The following BTRC variants were observed in gnomAD, a reference collection of about 807,000 sequenced individuals.
BTRC encodes beta-transducin repeat containing E3 ubiquitin protein ligase, also known as F-box/WD repeat-containing protein 1A.
BTRC carries 42 observed loss-of-function variants against 85.5 expected under a neutral mutation model. The observed-to-expected ratio is 0.49, with a 90% confidence interval of 0.38 to 0.64. BTRC has a LOEUF of 0.64. Ranked by LOEUF, BTRC falls within the 30% of genes least tolerant of loss-of-function variation. The pLI is 0.00. For missense variants in BTRC, 594 were observed against 743.5 expected (o/e 0.80, Z 2.34); for synonymous variants, 255 against 263.3 (o/e 0.97, Z 0.30).
chr10:101,408,446 A>G (rs1262578543), intron 1 of BTRC, among the ~76,000 whole-genome samples: 1 of 152,080 alleles, frequency 6.6e-6, no homozygotes, highest in Non-Finnish European at 1.5e-5. Context: ...AGCTGGGACT[A>G]TAGGCATGCA....
In BTRC at chr10:101,534,782, G is replaced by C; in HGVS notation, c.1219G>C (p.Val407Leu). The change falls in exon 10 of 15, where the codon GTA (valine) becomes CTA (leucine). Residue 407 changes from valine to leucine, a missense_variant. By Grantham distance (32) the Val-to-Leu change is conservative. Around this residue, in one of 4 missense-constraint regions of BTRC, gnomAD observed 373 missense variants for 503.6 expected, o/e 0.74. Transcript: ENST00000370187. ...CTGCTCCAAAGATCGTTCCATTGCTGTATGGGATATGGCCTCCCCAACTGA... is the reference window on the plus strand; with the variant it reads ...CTGCTCCAAAGATCGTTCCATTGCTCTATGGGATATGGCCTCCCCAACTGA... ...VTCSKDRSIA[V>L]WDMASPTDIT... 1 of 1,614,178 alleles carries C rather than the reference G, an allele frequency of 6.2e-7. No individual in the cohort carries two copies. Among genetic ancestry groups the C allele is most frequent in the African/African-American group, 1.3e-5 (1 of 75,028 alleles).
intron 1 of BTRC, among the ~76,000 whole-genome samples, chr10:101,423,220 G>C (rs2134059766): frequency 6.6e-6 from 1 of 152,148 alleles, no homozygotes; most frequent in East Asian, 1.9e-4. Context: ...GACCCTCTCT[G>C]GGTCTTATTT....
At chr10:101,447,151 G>A (rs1259747879) in intron 2 of BTRC, among the ~76,000 whole-genome samples, 3 of 152,162 alleles carry the variant, frequency 2.0e-5, no homozygotes, top group South Asian at 2.1e-4. Flanking sequence ...CAGGAATCAT[G>A]TAGGTCATTT....
At chr10:101,505,265 A>G (rs1319685530) in intron 4 of BTRC, among the ~76,000 whole-genome samples, 1 of 148,312 alleles carries the variant, frequency 6.7e-6, no homozygotes, top group Non-Finnish European at 1.5e-5. Flanking sequence ...CAGCCTCCCA[A>G]AGTGCTGGGA....
chr10:101,534,630 G>A, intron 9 of BTRC, 31 bp from the exon 10 acceptor site: 2 of 1,612,310 alleles, frequency 1.2e-6, no homozygotes, highest in Non-Finnish European at 1.7e-6. Flanking sequence ...TGTAGCTTGA[G>A]TACCATCTAA....
intron 1 of BTRC, among the ~76,000 whole-genome samples, chr10:101,397,784 C>T (rs1313362924): frequency 6.6e-6 from 1 of 152,006 alleles, no homozygotes; most frequent in African/African-American, 2.4e-5. Flanking sequence ...TATCTAATAC[C>T]ATGGCAATTG....
At chr10:101,354,582 C>T in intron 1 of BTRC, 1 of 310,816 alleles carries the variant, frequency 3.2e-6, no homozygotes, top group Non-Finnish European at 5.9e-6. Context: ...AGGCCGCTGG[C>T]GGGGCCTTCC....
intron 2 of BTRC, among the ~76,000 whole-genome samples, chr10:101,432,248 C>T (rs1375440047): frequency 2.0e-5 from 3 of 151,716 alleles, no homozygotes; most frequent in Non-Finnish European, 1.5e-5. Flanking sequence ...CTACCTCAAA[C>T]TTCCGGGTAG....
rs150427100 is a variant in BTRC, at chr10:101,535,435, A to C, written c.1429A>C (p.Arg477=). The change falls in exon 11 of 15, where the codon AGG becomes CGG. Residue 477 remains arginine, a synonymous_variant. Transcript: ENST00000370187. ...CATTGCCTGTTTGCAGTACAGGGAC[A>C]GGCTGGTAGTGAGTGGCTCATCTGA... The part of the protein sequence containing the change: ...RGIACLQYRD[R]LVVSGSSDNT... 1.9e-6 allele frequency: 3 copies of C among 1,613,872 alleles called. No homozygotes were observed. The highest frequency in any genetic ancestry group is 2.7e-5 in the African/African-American group (2 of 74,940).
chr10:101,486,021 G>A (rs1209251685), intron 4 of BTRC, among the ~76,000 whole-genome samples: 1 of 152,182 alleles, frequency 6.6e-6, no homozygotes, highest in African/African-American at 2.4e-5. Flanking sequence ...GATCTGCGGG[G>A]CTGTAATTGC....
In BTRC at chr10:101,426,184, GC is replaced by G. The variant is rs571546107; in HGVS notation, c.49-4158del. Among the ~76,000 whole-genome samples, 26 of 152,286 alleles carry G rather than the reference GC, an allele frequency of 1.7e-4. No individual in the cohort carries two copies. The South Asian group carries it at 2.5e-3, about 15-fold the overall frequency. On this transcript the variant is annotated intron_variant, in intron 1 of 14. Coordinates refer to ENST00000370187, the MANE Select transcript of BTRC (RefSeq NM_033637.4). ...GGAAACAGGTAGAGTAAAAGTTATA[GC>G]CCACTCCATTTATTTTGTAATAATA... is the stretch of plus-strand genomic sequence containing the variant.
chr10:101,517,351 A>G (rs540695682), intron 4 of BTRC, among the ~76,000 whole-genome samples: 3 of 152,308 alleles, frequency 2.0e-5, no homozygotes, highest in Admixed American at 2.0e-4. Context: ...GCAAGCCTCA[A>G]GAGTTCAGGG....
rs1402230911 is a variant in BTRC, at chr10:101,366,896, AT to A, written c.48+12671del. 9.3e-4 allele frequency among the ~76,000 whole-genome samples: 38 copies of A among 40,766 alleles called. 2 individuals are homozygous for A. Among genetic ancestry groups the A allele is most frequent in the South Asian group, 4.4e-3 (6 of 1,376 alleles). The allele number at this position is 40,766 out of a possible 152,430, so 26.7% of individuals were successfully genotyped here. A position where few individuals can be genotyped will look rare whatever the true frequency, so the allele number is the denominator to read the frequency against. On this transcript the variant is annotated intron_variant, in intron 1 of 14. Coordinates refer to ENST00000370187, the MANE Select transcript of BTRC (RefSeq NM_033637.4). ...TATATATTTATATATATTTATATAT[AT>A]TTATATATATTAATATATATTTATA... is the stretch of plus-strand genomic sequence containing the variant.
intron 2 of BTRC, among the ~76,000 whole-genome samples, chr10:101,448,452 T>C (rs1477735974): frequency 6.6e-6 from 1 of 152,062 alleles, no homozygotes; most frequent in Non-Finnish European, 1.5e-5. Flanking sequence ...CATTTTGTTG[T>C]TTGGTGATGT....
intron 1 of BTRC, among the ~76,000 whole-genome samples, chr10:101,401,687 AAG>A (rs1294593529): frequency 1.3e-5 from 2 of 152,060 alleles, no homozygotes; most frequent in Non-Finnish European, 2.9e-5. Context: ...AATTAAGAAA[AAG>A]AGGCTGCTTG....
At chr10:101,356,694 T>C (rs1250149199) in intron 1 of BTRC, among the ~76,000 whole-genome samples, 1 of 152,202 alleles carries the variant, frequency 6.6e-6, no homozygotes, top group Non-Finnish European at 1.5e-5. Flanking sequence ...GACACCTTAA[T>C]AAAAGAAACA....
intron 1 of BTRC, among the ~76,000 whole-genome samples, chr10:101,400,849 C>CT (rs1943476671): frequency 6.6e-6 from 1 of 152,130 alleles, no homozygotes; most frequent in Non-Finnish European, 1.5e-5. Context: ...TATAACCAAG[C>CT]TTTTTCTTTT....
chr10:101,475,745 CT>C (rs1185423152), intron 3 of BTRC, among the ~76,000 whole-genome samples: 1 of 151,370 alleles, frequency 6.6e-6, no homozygotes, highest in African/African-American at 2.4e-5. Context: ...GAAATCACAT[CT>C]TTTCCTTACA....
At chr10:101,499,711 C>A (rs1372264796) in intron 4 of BTRC, among the ~76,000 whole-genome samples, 1 of 151,378 alleles carries the variant, frequency 6.6e-6, no homozygotes, top group Non-Finnish European at 1.5e-5. Flanking sequence ...TATCAGCCCA[C>A]TCTTCCATCC....
Sources: allele counts gnomAD v4.1 joint callset (sites outside exome capture counted in the v4.1 genomes callset), GRCh38; gene constraint gnomAD v4.1.1; regional missense constraint gnomAD v4.1.1; transcripts MANE v1.5; gene names NCBI Gene and HGNC (gene_info 2026-07-23, HGNC 2026-07-21).